POLR3B: variants seen among roughly 807,000 people sequenced by gnomAD.
POLR3B encodes DNA-directed RNA polymerase III subunit RPC2.
A neutral mutation model predicts 147.4 loss-of-function variants in POLR3B; 96 were observed. The ratio of observed to expected loss-of-function variants is 0.65; its 90% confidence interval spans 0.55 to 0.77. The LOEUF (loss-of-function observed/expected upper bound fraction) is 0.77. Ranked by LOEUF, POLR3B falls within the 30% of genes least tolerant of loss-of-function variation. The pLI is 0.00. For missense variants in POLR3B, 1,036 were observed against 1,413.5 expected (o/e 0.73, Z 4.28); for synonymous variants, 461 against 485.9 (o/e 0.95, Z 0.67).
intron 17 of POLR3B, 149 bp from the exon 18 acceptor site, chr12:106,437,532 T>G: frequency 1.5e-6 from 1 of 660,922 alleles, no homozygotes. Context: ...GAGCTAAGAA[T>G]AACATGTTTC....
At chr12:106,377,117 G>T in intron 7 of POLR3B, among the ~76,000 whole-genome samples, 1 of 151,792 alleles carries the variant, frequency 6.6e-6, no homozygotes. Flanking sequence ...CACACTTCAG[G>T]GTGTTTTAAA....
At chr12:106,482,783 A>G (rs1473977751) in intron 23 of POLR3B, among the ~76,000 whole-genome samples, 2 of 152,200 alleles carry the variant, frequency 1.3e-5, no homozygotes, top group African/African-American at 4.8e-5. Context: ...TTTGCATATA[A>G]TATGGTATCC....
At chr12:106,480,490 G>A (rs1160709049) in intron 23 of POLR3B, among the ~76,000 whole-genome samples, 3 of 152,170 alleles carry the variant, frequency 2.0e-5, no homozygotes, top group Non-Finnish European at 4.4e-5. Flanking sequence ...TCAGGCAGGG[G>A]CAGGGACTGG....
chr12:106,437,146 G>A lies in POLR3B; in HGVS notation c.1856+15G>A, dbSNP rs1593040879. The A allele has an allele frequency of 6.4e-7, 1 of 1,565,074 alleles. No individual in the cohort carries two copies. Among genetic ancestry groups the A allele is most frequent in the Non-Finnish European group, 8.8e-7 (1 of 1,136,524 alleles). Reference sequence around the variant, plus strand: ...CAAGGGTACAGGTAAGTAGCCAAAAGTAAAACTTACCAATCTCCTTAATAC... The same window carrying A: ...CAAGGGTACAGGTAAGTAGCCAAAAATAAAACTTACCAATCTCCTTAATAC... On this transcript the variant is annotated intron_variant, in intron 17 of 27. Transcript: ENST00000228347.
At chr12:106,384,685 G>A (rs2036810957) in intron 9 of POLR3B, among the ~76,000 whole-genome samples, 1 of 152,140 alleles carries the variant, frequency 6.6e-6, no homozygotes, top group South Asian at 2.1e-4. Flanking sequence ...CTAAAGTGCT[G>A]TCGAGGTGTT....
chr12:106,368,856 C>T (rs1482699325), intron 4 of POLR3B, among the ~76,000 whole-genome samples: 8 of 151,894 alleles, frequency 5.3e-5, no homozygotes, highest in Non-Finnish European at 7.4e-5. Flanking sequence ...CATTAGTTTC[C>T]GCTTTATCCT....
intron 6 of POLR3B, among the ~76,000 whole-genome samples, chr12:106,370,024 T>A (rs1285000156): frequency 6.6e-6 from 1 of 152,184 alleles, no homozygotes; most frequent in East Asian, 1.9e-4. Context: ...TCCTGGAATT[T>A]AACTTTTTCT....
intron 23 of POLR3B, among the ~76,000 whole-genome samples, chr12:106,482,502 G>T (rs1592767459): frequency 6.6e-6 from 1 of 151,490 alleles, no homozygotes; most frequent in Non-Finnish European, 1.5e-5. Context: ...AGAGCAGGAG[G>T]AAGAGAGAGA....
chr12:106,478,616 T>TAGG (rs2038216449), intron 23 of POLR3B, among the ~76,000 whole-genome samples: 1 of 152,064 alleles, frequency 6.6e-6, no homozygotes, highest in Non-Finnish European at 1.5e-5. Context: ...TGTTAAAGAT[T>TAGG]GGGGAAAAAA....
chr12:106,498,027 A>C (rs2038523606), intron 25 of POLR3B, among the ~76,000 whole-genome samples: 1 of 152,212 alleles, frequency 6.6e-6, no homozygotes, highest in African/African-American at 2.4e-5. Flanking sequence ...GACACACAGC[A>C]GGCACTCCAT....
At chr12:106,414,997 G>C (rs578124691) in intron 12 of POLR3B, among the ~76,000 whole-genome samples, 2 of 152,256 alleles carry the variant, frequency 1.3e-5, no homozygotes, top group African/African-American at 4.8e-5. Flanking sequence ...GAACCTCTAT[G>C]TCACTCCAGA....
At chr12:106,375,366 T>C (rs2036663591) in intron 6 of POLR3B, among the ~76,000 whole-genome samples, 2 of 152,226 alleles carry the variant, frequency 1.3e-5, no homozygotes, top group South Asian at 4.1e-4. Flanking sequence ...GGCTTTCATA[T>C]GTCTTTAAAA....
intron 23 of POLR3B, among the ~76,000 whole-genome samples, chr12:106,487,440 T>C (rs566874969): frequency 2.0e-5 from 3 of 152,352 alleles, no homozygotes; most frequent in African/African-American, 7.2e-5. Context: ...AAAATTCTTT[T>C]GATTTAGTAT....
intron 23 of POLR3B, among the ~76,000 whole-genome samples, chr12:106,486,131 TA>T (rs2038334845): frequency 6.6e-6 from 1 of 151,532 alleles, no homozygotes; most frequent in Non-Finnish European, 1.5e-5. Flanking sequence ...CTACTAAAAA[TA>T]CAAAAAATTA....
intron 18 of POLR3B, among the ~76,000 whole-genome samples, chr12:106,441,292 G>A (rs1227558981): frequency 5.3e-5 from 8 of 152,196 alleles, no homozygotes; most frequent in African/African-American, 1.7e-4. Flanking sequence ...GTTCTGAGAA[G>A]TTTGTTGTCA....
intron 23 of POLR3B, among the ~76,000 whole-genome samples, chr12:106,483,193 G>A (rs887239161): frequency 2.0e-5 from 3 of 152,172 alleles, no homozygotes; most frequent in African/African-American, 7.2e-5. Context: ...CGCAAATGCT[G>A]TATTTTCGAT....
In POLR3B at chr12:106,444,497, C is replaced by G; in HGVS notation, c.1990C>G (p.Leu664Val). ...CCACTTGGAGATTGAACCCTTCACT[C>G]TTCTCGGCGTGTGTGCTGGACTTAT... ...TTHLEIEPFT[L>V]LGVCAGLIPY... The change falls in exon 19 of 28, where the codon CTT (leucine) becomes GTT (valine). Residue 664 changes from leucine (L) to valine (V), a missense_variant. Leu to Val is a conservative substitution (Grantham distance 32). Around this residue, in one of 12 missense-constraint regions of POLR3B, gnomAD observed 177 missense variants for 232.7 expected, o/e 0.76. Coordinates refer to ENST00000228347, the MANE Select transcript of POLR3B (RefSeq NM_018082.6). 6.2e-7 allele frequency: 1 copy of G among 1,613,988 alleles called. No homozygotes were observed. The highest frequency in any genetic ancestry group is 8.5e-7 in the Non-Finnish European group (1 of 1,179,928).
At chr12:106,480,591 G>A (rs549673502) in intron 23 of POLR3B, among the ~76,000 whole-genome samples, 62 of 152,312 alleles carry the variant, frequency 4.1e-4, no homozygotes, top group African/African-American at 1.3e-3. Flanking sequence ...TTGGGTCTCA[G>A]ATCAAGTACT....
intron 19 of POLR3B, among the ~76,000 whole-genome samples, chr12:106,453,198 G>T (rs532835791): frequency 5.3e-5 from 8 of 151,802 alleles, no homozygotes; most frequent in African/African-American, 1.9e-4. Flanking sequence ...TTTTAGTAGA[G>T]ACATGGTTTT....
Sources: allele counts gnomAD v4.1 joint callset (sites outside exome capture counted in the v4.1 genomes callset), GRCh38; gene constraint gnomAD v4.1.1; regional missense constraint gnomAD v4.1.1; transcripts MANE v1.5; gene names NCBI Gene and HGNC (gene_info 2026-07-23, HGNC 2026-07-21).